LOC128462377: variants seen among roughly 807,000 people sequenced by gnomAD.
the LOC128462377 span, among the ~76,000 whole-genome samples, chr16:89,411,324 C>T: frequency 2.0e-5 from 3 of 152,128 alleles, no homozygotes; most frequent in Admixed American, 1.3e-4. Flanking sequence ...TCCCTGCACA[C>T]AGCGGTGGGA....
At chr16:89,405,079 T>C in the LOC128462377 span, among the ~76,000 whole-genome samples, 1 of 151,482 alleles carries the variant, frequency 6.6e-6, no homozygotes, top group Non-Finnish European at 1.5e-5. Flanking sequence ...TCACACGCTC[T>C]CACAGGACAA....
chr16:89,375,317 G>C, the LOC128462377 span, among the ~76,000 whole-genome samples: 1 of 152,316 alleles, frequency 6.6e-6, no homozygotes, highest in African/African-American at 2.4e-5. Flanking sequence ...AGCTAGTTGC[G>C]GTAGCATGGG....
the LOC128462377 span, chr16:89,319,876 C>G: frequency 6.6e-6 from 1 of 152,606 alleles, no homozygotes; most frequent in Non-Finnish European, 1.5e-5. Context: ...GACTTGCCAT[C>G]CCAGTCCTCC....
At chr16:89,375,901 G>C in the LOC128462377 span, among the ~76,000 whole-genome samples, 1 of 151,610 alleles carries the variant, frequency 6.6e-6, no homozygotes, top group African/African-American at 2.4e-5. Flanking sequence ...GTGCTCCCAA[G>C]AAGCAGAGCT....
the LOC128462377 span, among the ~76,000 whole-genome samples, chr16:89,354,993 T>A: frequency 2.0e-5 from 3 of 152,210 alleles, no homozygotes; most frequent in African/African-American, 4.8e-5. Flanking sequence ...TCCCAGGAAA[T>A]GCACAGATTC....
At chr16:89,325,057 A>G in the LOC128462377 span, 13 of 155,352 alleles carry the variant, frequency 8.4e-5, no homozygotes, top group Non-Finnish European at 1.8e-4. Context: ...CATACTGAAC[A>G]CAAGTATGCC....
the LOC128462377 span, among the ~76,000 whole-genome samples, chr16:89,371,147 G>A: frequency 6.6e-6 from 1 of 152,260 alleles, no homozygotes; most frequent in Non-Finnish European, 1.5e-5. Context: ...GACTTTCAGG[G>A]TGCACGTAAG....
chr16:89,410,193 C>T, the LOC128462377 span, among the ~76,000 whole-genome samples: 16 of 152,274 alleles, frequency 1.1e-4, 1 homozygote, highest in South Asian at 1.5e-3. Context: ...GAATTTCACA[C>T]GGAGCAGGCA....
At chr16:89,371,929 C>A in the LOC128462377 span, among the ~76,000 whole-genome samples, 1 of 152,172 alleles carries the variant, frequency 6.6e-6, no homozygotes, top group Non-Finnish European at 1.5e-5. Context: ...TGGCCTGTTA[C>A]AGAACAGGAG....
the LOC128462377 span, among the ~76,000 whole-genome samples, chr16:89,393,749 C>T: frequency 6.6e-6 from 1 of 152,078 alleles, no homozygotes; most frequent in Non-Finnish European, 1.5e-5. Context: ...CCCAGCTGGG[C>T]CTATTGCCCT....
chr16:89,369,633 G>A, the LOC128462377 span, among the ~76,000 whole-genome samples: 8 of 152,210 alleles, frequency 5.3e-5, no homozygotes, highest in African/African-American at 1.9e-4. Context: ...GGTCACAGAA[G>A]GACAACCAGG....
chr16:89,414,471 G>T, the LOC128462377 span, among the ~76,000 whole-genome samples: 1 of 152,342 alleles, frequency 6.6e-6, no homozygotes, highest in East Asian at 1.9e-4. Context: ...TGCCAAGAAA[G>T]ATGTCAGCTT....
At chr16:89,408,662 C>G in the LOC128462377 span, among the ~76,000 whole-genome samples, 3 of 152,164 alleles carry the variant, frequency 2.0e-5, no homozygotes, top group South Asian at 4.1e-4. Flanking sequence ...CCTCGCACCC[C>G]CTGCCACCCT....
the LOC128462377 span, among the ~76,000 whole-genome samples, chr16:89,347,432 A>AC: frequency 9.2e-5 from 14 of 151,944 alleles, no homozygotes; most frequent in African/African-American, 3.4e-4. Context: ...GCACGGTGAA[A>AC]CCCCGTCTCT....
At chr16:89,355,480 C>CATTT in the LOC128462377 span, among the ~76,000 whole-genome samples, 1 of 152,126 alleles carries the variant, frequency 6.6e-6, no homozygotes, top group Non-Finnish European at 1.5e-5. Context: ...AATTCAAAGC[C>CATTT]ATTTCAAAGT....
chr16:89,359,447 G>A, the LOC128462377 span, among the ~76,000 whole-genome samples: 4 of 152,182 alleles, frequency 2.6e-5, no homozygotes, highest in Admixed American at 6.5e-5. Context: ...AAGGAGCAGC[G>A]CACACGTCTG....
chr16:89,323,186 C>A, the LOC128462377 span: 1 of 653,320 alleles, frequency 1.5e-6, no homozygotes, highest in Non-Finnish European at 2.4e-6. Flanking sequence ...TTGTGCACAC[C>A]TCACAGGGAG....
the LOC128462377 span, among the ~76,000 whole-genome samples, chr16:89,349,188 G>C: frequency 1.4e-3 from 168 of 118,772 alleles, no homozygotes; most frequent in African/African-American, 5.2e-3. Context: ...AATCAAGACA[G>C]TGTGGTGTTA....
the LOC128462377 span, among the ~76,000 whole-genome samples, chr16:89,404,900 C>T: frequency 7.2e-5 from 11 of 152,234 alleles, no homozygotes; most frequent in African/African-American, 2.7e-4. Flanking sequence ...GATGTTCTTT[C>T]CTTTACAGTA....
Sources: allele counts gnomAD v4.1 joint callset (sites outside exome capture counted in the v4.1 genomes callset), GRCh38; gene constraint gnomAD v4.1.1; transcripts MANE v1.5.